The following DAB1 variants were observed in gnomAD, a reference collection of about 807,000 sequenced individuals.
DAB1 encodes DAB adaptor protein 1.
A neutral mutation model predicts 64.6 loss-of-function variants in DAB1; 15 were observed. The observed-to-expected ratio is 0.23, with a 90% CI of 0.16 to 0.36. The LOEUF is 0.36. Among genes scored for constraint, DAB1 ranks in the 10% least tolerant of loss-of-function variants. DAB1 has a pLI of 1.00. For synonymous variants in DAB1, 235 were observed against 251.9 expected (o/e 0.93, Z 0.64); for missense variants, 596 against 706.7 (o/e 0.84, Z 1.78).
At position 57,794,860 on chromosome 1, in the gene DAB1, C is replaced by T. The variant is rs12044418; in HGVS notation, n.551+89139G>A. 9.0e-3 allele frequency among the ~76,000 whole-genome samples: 1,369 copies of T among 152,276 alleles called. 121 individuals carry two copies. The East Asian group carries it at 0.21, about 23-fold the overall frequency. On this transcript the variant is annotated intron_variant and non_coding_transcript_variant, in intron 6 of 20. Coordinates refer to the DAB1 transcript ENST00000485760. ...TAGACCTAATTTTCTCCCAGAATGACCCATGGCTATAGATATCTGACTTAC... is the reference window on the plus strand; with the variant it reads ...TAGACCTAATTTTCTCCCAGAATGATCCATGGCTATAGATATCTGACTTAC...
intron 14 of DAB1, among the ~76,000 whole-genome samples, chr1:57,005,708 T>C (rs1389764369): frequency 6.6e-6 from 1 of 152,216 alleles, no homozygotes; most frequent in Non-Finnish European, 1.5e-5. Flanking sequence ...TTCCTGATTC[T>C]GTTTGAGTGT....
chr1:57,384,895 A>G (rs1204785196), intron 1 of DAB1, among the ~76,000 whole-genome samples: 1 of 152,262 alleles, frequency 6.6e-6, no homozygotes, highest in Non-Finnish European at 1.5e-5. Context: ...ACTTCATATC[A>G]CAATTAAAAA....
intron 5 of DAB1, among the ~76,000 whole-genome samples, chr1:58,137,099 A>C (rs1490489369): frequency 6.6e-6 from 1 of 152,158 alleles, no homozygotes; most frequent in Non-Finnish European, 1.5e-5. Context: ...AAAAAAAAAA[A>C]CTAAATTTAC....
At chr1:57,766,502 A>G (rs1221705761) in intron 6 of DAB1, among the ~76,000 whole-genome samples, 1 of 151,894 alleles carries the variant, frequency 6.6e-6, no homozygotes, top group Admixed American at 6.6e-5. Flanking sequence ...ATTGCACCTC[A>G]AGGTTTTTCC....
chr1:58,533,056 G>T (rs921863937), intron 1 of DAB1, among the ~76,000 whole-genome samples: 1 of 151,966 alleles, frequency 6.6e-6, no homozygotes, highest in African/African-American at 2.4e-5. Flanking sequence ...GTACCTTTGC[G>T]TTTACAATTT....
intron 4 of DAB1, among the ~76,000 whole-genome samples, chr1:57,111,614 T>C (rs573395): frequency 0.79 from 120,273 of 152,142 alleles, 47,754 homozygotes; most frequent in East Asian, 0.98. Flanking sequence ...CATCCCTGTC[T>C]CATCCCATCT....
chr1:57,801,768 C>T lies in DAB1; in HGVS notation n.551+82231G>A, dbSNP rs373799705. 5.1e-4 allele frequency among the ~76,000 whole-genome samples: 78 copies of T among 152,230 alleles called. No individual in the cohort carries two copies. The South Asian group carries it at 0.014, about 28-fold the overall frequency. ...GACTTCCTGGGTTCAGGCGATCCTC[C>T]GGCCTTAGTCCCCTGAGTAGCTCGG... On this transcript the variant is annotated intron_variant and non_coding_transcript_variant, in intron 6 of 20. Transcript: ENST00000485760.
intron 2 of DAB1, among the ~76,000 whole-genome samples, chr1:57,150,919 G>A (rs1427111905): frequency 6.6e-6 from 1 of 152,126 alleles, no homozygotes; most frequent in African/African-American, 2.4e-5. Flanking sequence ...ACTTTGAGAG[G>A]CCAAGGAGGG....
chr1:57,139,127 A>G (rs1014419317), intron 3 of DAB1, among the ~76,000 whole-genome samples: 2 of 152,156 alleles, frequency 1.3e-5, no homozygotes, highest in African/African-American at 2.4e-5. Context: ...TAGCCCCTTG[A>G]TGGTGGCCGA....
rs534701031 is a variant in DAB1 at position 58,426,962 on chromosome 1, T to C, written n.257+79098A>G. 1.1e-4 allele frequency among the ~76,000 whole-genome samples: 16 copies of C among 152,266 alleles called. No homozygotes were observed. In the South Asian group the frequency reaches 2.7e-3, roughly 26 times the overall value. ...GCAAAGAAAAGGTTTGAGCAAGACA[T>C]TGAAAGAGGTGAGGGCATATTCACC... On this transcript the variant is annotated intron_variant and non_coding_transcript_variant, in intron 3 of 20. Coordinates refer to the DAB1 transcript ENST00000485760.
intron 5 of DAB1, among the ~76,000 whole-genome samples, chr1:58,059,205 A>T (rs1209946982): frequency 6.6e-6 from 1 of 152,174 alleles, no homozygotes. Context: ...CTTCCTTGGA[A>T]GCAGCAAAAT....
chr1:58,335,869 G>C (rs1357960597), intron 4 of DAB1, among the ~76,000 whole-genome samples: 1 of 152,164 alleles, frequency 6.6e-6, no homozygotes, highest in African/African-American at 2.4e-5. Context: ...TATGGAGGGT[G>C]GGAGGAGAGA....
chr1:57,737,237 A>G (rs889813417), intron 6 of DAB1, among the ~76,000 whole-genome samples: 2 of 152,196 alleles, frequency 1.3e-5, no homozygotes, highest in African/African-American at 4.8e-5. Context: ...TCAAAAGACA[A>G]TGGTGCTTGT....
At chr1:57,317,358 G>C (rs866147754) in intron 1 of DAB1, among the ~76,000 whole-genome samples, 7 of 152,234 alleles carry the variant, frequency 4.6e-5, no homozygotes, top group African/African-American at 1.7e-4. Context: ...CATCAAAGCT[G>C]TGGGATTATA....
At chr1:57,331,333 C>T (rs1006890258) in intron 1 of DAB1, among the ~76,000 whole-genome samples, 3 of 152,172 alleles carry the variant, frequency 2.0e-5, no homozygotes, top group African/African-American at 7.2e-5. Flanking sequence ...TTATTAAATA[C>T]TCTTATTATT....
chr1:57,126,907 CTT>C (rs1212272909), intron 4 of DAB1, among the ~76,000 whole-genome samples: 2 of 152,294 alleles, frequency 1.3e-5, no homozygotes, highest in African/African-American at 4.8e-5. Context: ...TTCACTATCT[CTT>C]CTCACTTTGA....
intron 2 of DAB1, among the ~76,000 whole-genome samples, chr1:57,206,222 AG>A (rs1665524253): frequency 6.6e-6 from 1 of 152,242 alleles, no homozygotes; most frequent in African/African-American, 2.4e-5. Flanking sequence ...AAGAGGAGGG[AG>A]GCAGGGAGAA....
At chr1:57,906,737 G>A (rs1644556932) in intron 5 of DAB1, among the ~76,000 whole-genome samples, 1 of 152,142 alleles carries the variant, frequency 6.6e-6, no homozygotes, top group Admixed American at 6.5e-5. Flanking sequence ...ACCTTGTTAT[G>A]TTAAGATTCC....
chr1:58,527,265 G>T (rs1646366908), exon 2 of DAB1: 3 of 872,072 alleles, frequency 3.4e-6, no homozygotes, highest in Non-Finnish European at 6.0e-6. Flanking sequence ...CTTTACCTTT[G>T]CAGCAAGCAG....
Sources: gnomAD v4.1 joint callset for allele counts (sites outside exome capture counted in the v4.1 genomes callset) on GRCh38, gnomAD v4.1.1 for gene constraint, MANE v1.5 for transcripts, NCBI Gene and HGNC (gene_info 2026-07-23, HGNC 2026-07-21) for gene names.